Variants in TTN observed in about 807,000 individuals in gnomAD.
The protein encoded by TTN is titin.
A neutral mutation model predicts 3,223.0 loss-of-function variants in TTN; 1,525 were observed. That is an observed-to-expected ratio of 0.47 (90% CI 0.45 to 0.49). The LOEUF is 0.49. Among genes scored for constraint, TTN ranks in the 20% least tolerant of loss-of-function variants. The pLI is 0.00. For missense variants in TTN, 40,786 were observed against 43,424.0 expected (o/e 0.94, Z 5.40); for synonymous variants, 14,094 against 15,161.0 (o/e 0.93, Z 5.17).
At position 178,570,008 on chromosome 2, in the gene TTN, T is replaced by A. The variant is rs374494927; in HGVS notation, c.76124A>T (p.Tyr25375Phe). 13 of 1,612,986 alleles carry A rather than the reference T, an allele frequency of 8.1e-6. No homozygotes were observed. In the Admixed American group the frequency reaches 1.2e-4, roughly 14 times the overall value. The change falls in exon 326 of 363, where the codon TAT becomes TTT. Residue 25375 changes from tyrosine to phenylalanine, a missense_variant. Physicochemically the swap from Tyr to Phe is conservative, Grantham distance 22 (BLOSUM62 3). Coordinates refer to ENST00000589042, the MANE Select transcript of TTN (RefSeq NM_001267550.2). The part of the protein sequence containing the change: ...RVTGLIENHD[Y>F]EFRVSAENAA... ...ATTCTCAGCAGAAACTCTGAACTCA[T>A]AATCGTGATTTTCTATGAGTCCAGT...
intron 218 of TTN, among the ~76,000 whole-genome samples, chr2:178,642,997 G>A (rs142642954): frequency 7.1e-4 from 108 of 152,078 alleles, no homozygotes; most frequent in Non-Finnish European, 9.4e-4. Flanking sequence ...ATTTCCTGTT[G>A]CGTCTACAGT....
rs1381030080 is a variant in TTN at position 178,722,788 on chromosome 2, T to C, written c.22111A>G (p.Thr7371Ala). The C allele has an allele frequency of 1.4e-5, 23 of 1,613,272 alleles. No homozygotes were observed. Among genetic ancestry groups the C allele is most frequent in the Non-Finnish European group, 1.7e-5 (20 of 1,179,580 alleles). ...TKLRPTPEYRTYFTNNVATLV... is the reference protein window; with the variant it reads ...TKLRPTPEYRAYFTNNVATLV... ...GTGGCCACATTGTTTGTAAAGTAGG[T>C]CCTGTATTCAGGAGTTGGCCGTAAT... Residue 7371 changes from threonine to alanine, a missense_variant, in exon 76 of 363, where the codon ACC (threonine) becomes GCC (alanine). Thr to Ala is a moderately conservative substitution (Grantham distance 58). Coordinates refer to ENST00000589042, the MANE Select transcript of TTN (RefSeq NM_001267550.2).
chr2:178,596,545 T>C (rs1234502282), intron 294 of TTN, among the ~76,000 whole-genome samples: 1 of 152,046 alleles, frequency 6.6e-6, no homozygotes, highest in Non-Finnish European at 1.5e-5. Flanking sequence ...ACAAGCAGCA[T>C]AGGAGGCCCC....
chr2:178,727,204 AG>A lies in TTN; in HGVS notation c.20160del (p.Ser6721GlnfsTer7). 6.2e-7 allele frequency: 1 copy of A among 1,613,248 alleles called. No homozygotes were observed. Among genetic ancestry groups the A allele is most frequent in the Non-Finnish European group, 8.5e-7 (1 of 1,179,450 alleles). ...TTGTTCATCTGTATGACGGCCACTGAGTCAATGAAAGTCATTCTGTACTTAT... is the reference window on the plus strand; with the variant it reads ...TTGTTCATCTGTATGACGGCCACTGATCAATGAAAGTCATTCTGTACTTAT... ...ASDKYRMTFIDSVAVIQMNNL... is the reference protein window; with the variant it reads ...ASDKYRMTFIXSVAVIQMNNL... On this transcript the variant is annotated frameshift_variant, in exon 69 of 363. Coordinates refer to ENST00000589042, the MANE Select transcript of TTN (RefSeq NM_001267550.2). LOFTEE classifies it high-confidence loss of function.
At position 178,588,078 on chromosome 2, in the gene TTN, G is replaced by C. The variant is rs370687831; in HGVS notation, c.63329C>G (p.Ala21110Gly). The change falls in exon 305 of 363, where the codon GCG becomes GGG. Residue 21110 changes from alanine (A) to glycine (G), a missense_variant. Transcript: ENST00000589042. ...CCGTTTCCAGCCTTCATCAGGAGAC[G>C]CATCTGCTATTTTTGGTCTCATTTC... ...VVEMRPKIAD[A>G]SPDEGWKRCN... The C allele has an allele frequency of 8.1e-6, 13 of 1,612,736 alleles. No individual in the cohort carries two copies. Among genetic ancestry groups the C allele is most frequent in the Admixed American group, 1.7e-5 (1 of 59,934 alleles).
Position 178,595,784 on chromosome 2 carries a change from T to G in TTN, c.57570A>C (p.Pro19190=). 1 of 1,606,462 alleles carries G rather than the reference T, an allele frequency of 6.2e-7. No individual in the cohort carries two copies. The highest frequency in any genetic ancestry group is 8.5e-7 in the Non-Finnish European group (1 of 1,176,458). The part of the protein sequence containing the change: ...VLDVPGPVGT[P]FLAHNLTNES... Reference sequence around the variant, plus strand: ...CATTGGTTAGGTTGTGAGCTAGGAATGGTGTTCCAACGGGACCTGGAACAT... The same window carrying G: ...CATTGGTTAGGTTGTGAGCTAGGAAGGGTGTTCCAACGGGACCTGGAACAT... The change falls in exon 295 of 363, where the codon CCA becomes CCC. Residue 19190 remains proline, a synonymous_variant. Coordinates refer to ENST00000589042, the MANE Select transcript of TTN (RefSeq NM_001267550.2).
In TTN at chr2:178,740,909, A is replaced by G. The variant is rs537284713; in HGVS notation, c.12324T>C (p.Pro4108=). 24 of 1,613,928 alleles carry G rather than the reference A, an allele frequency of 1.5e-5. No homozygotes were observed. The East Asian group carries it at 3.8e-4, about 25-fold the overall frequency. The change falls in exon 48 of 363, where the codon CCT becomes CCC. Residue 4108 remains proline (P), a synonymous_variant. Coordinates refer to ENST00000589042, the MANE Select transcript of TTN (RefSeq NM_001267550.2). ...TGGATTGCAATTCCTGAGCTCCCAA[A>G]GGAAGCTGACTGCTCAATTCATTGG... is the stretch of plus-strand genomic sequence containing the variant. ...AKANELSSQL[P]LGAQELQSIL...
At position 178,621,101 on chromosome 2, in the gene TTN, C is replaced by T. The variant is rs1395648308; in HGVS notation, c.45616+1G>A. On this transcript the variant is annotated splice_donor_variant, in intron 246 of 362. Coordinates refer to ENST00000589042, the MANE Select transcript of TTN (RefSeq NM_001267550.2). LOFTEE classifies it high-confidence loss of function. ...AACCCTAAAAGCAAGAACAAACTTA[C>T]CAATGACTGTCAAGTGAGCTGCTGC... 3.1e-6 allele frequency: 5 copies of T among 1,611,590 alleles called. No homozygotes were observed. The highest frequency in any genetic ancestry group is 4.2e-6 in the Non-Finnish European group (5 of 1,179,004).
In TTN at chr2:178,587,636, C is replaced by T. The variant is rs777568221; in HGVS notation, c.63673G>A (p.Val21225Ile). 1.2e-6 allele frequency: 2 copies of T among 1,612,734 alleles called. No homozygotes were observed. Among genetic ancestry groups the T allele is most frequent in the Admixed American group, 1.7e-5 (1 of 59,932 alleles). ...ATGACAAGGAAGGCCATAGTGTCAA[C>T]CAGATCAACTTGTCCTTTTCTGACC... ...NVVRKGQVDL[V>I]DTMAFLVIPN... The change falls in exon 306 of 363, where the codon GTT becomes ATT. Residue 21225 changes from valine to isoleucine, a missense_variant. Physicochemically the swap from Val to Ile is conservative, Grantham distance 29. Transcript: ENST00000589042.
At position 178,615,650 on chromosome 2, in the gene TTN, T is replaced by C. The variant is rs186497293; in HGVS notation, c.48451A>G (p.Thr16151Ala). ...TCAAGAATGTACTCACTTGCAGGAG[T>C]TGACATATTTACAGGTTCATCAACA... ...AYVDEPVNMSTPATVPDPPEN... is the reference protein window; with the variant it reads ...AYVDEPVNMSAPATVPDPPEN... Residue 16151 changes from threonine to alanine, a missense_variant, in exon 258 of 363, where the codon ACT (threonine) becomes GCT (alanine). By Grantham distance (58) the Thr-to-Ala change is moderately conservative (BLOSUM62 0). Coordinates refer to ENST00000589042, the MANE Select transcript of TTN (RefSeq NM_001267550.2). 214 of 1,612,246 alleles carry C rather than the reference T, an allele frequency of 1.3e-4. No homozygotes were observed. The African/African-American group carries it at 2.3e-3, about 18-fold the overall frequency.
In TTN at chr2:178,714,086, C is replaced by G. The variant is rs751498825; in HGVS notation, c.26572G>C (p.Glu8858Gln). 1 of 1,613,674 alleles carries G rather than the reference C, an allele frequency of 6.2e-7. No individual in the cohort carries two copies. Among genetic ancestry groups the G allele is most frequent in the Admixed American group, 1.7e-5 (1 of 59,974 alleles). ...TLECTVAGTP[E>Q]LSTKWFKDGK... is the part of the protein sequence containing the mutation. ...TCCTTAAACCACTTAGTACTGAGTTCAGGGGTGCCAGCTACTGTACACTCC... is the reference window on the plus strand; with the variant it reads ...TCCTTAAACCACTTAGTACTGAGTTGAGGGGTGCCAGCTACTGTACACTCC... The change falls in exon 92 of 363, where the codon GAA becomes CAA. Residue 8858 changes from glutamate to glutamine, a missense_variant. Physicochemically the swap from Glu to Gln is conservative, Grantham distance 29. Coordinates refer to ENST00000589042, the MANE Select transcript of TTN (RefSeq NM_001267550.2).
intron 213 of TTN, among the ~76,000 whole-genome samples, chr2:178,648,408 TTC>T (rs975629162): frequency 2.0e-5 from 3 of 151,996 alleles, no homozygotes; most frequent in African/African-American, 7.2e-5. Flanking sequence ...TGTCCTCAAT[TTC>T]TTTTTTTTAA....
At position 178,772,524 on chromosome 2, in the gene TTN, C is replaced by T. The variant is rs188870102; in HGVS notation, c.7855+585G>A. 1.9e-3 allele frequency among the ~76,000 whole-genome samples: 282 copies of T among 152,160 alleles called. 7 individuals are homozygous for T. The South Asian group carries it at 0.024, about 13-fold the overall frequency. Reference sequence around the variant, plus strand: ...CTACTGAATGATGGTCTTATTTCTACATGATATCATAAGAAATACAGTTAC... The same window carrying T: ...CTACTGAATGATGGTCTTATTTCTATATGATATCATAAGAAATACAGTTAC... On this transcript the variant is annotated intron_variant, in intron 33 of 362. Coordinates refer to ENST00000589042, the MANE Select transcript of TTN (RefSeq NM_001267550.2).
Position 178,554,641 on chromosome 2 carries a change from T to A in TTN, c.88706A>T (p.Tyr29569Phe). 6.2e-7 allele frequency: 1 copy of A among 1,613,894 alleles called. No homozygotes were observed. Among genetic ancestry groups the A allele is most frequent in the Non-Finnish European group, 8.5e-7 (1 of 1,179,838 alleles). The change falls in exon 332 of 363, where the codon TAC becomes TTC. Residue 29569 changes from tyrosine (Y) to phenylalanine (F), a missense_variant. Tyr to Phe is a conservative substitution (Grantham distance 22). Transcript: ENST00000589042. The stretch of plus-strand genomic sequence containing the variant: ...GCTTGTCTCACGCTTTTCCACAATG[T>A]AGTGAGTGATTTTTGCACCACCATC... ...ADDGGAKITH[Y>F]IVEKRETSRV...
chr2:178,719,410 C>A lies in TTN; in HGVS notation c.23980G>T (p.Val7994Leu), dbSNP rs779653609. 1 of 1,613,220 alleles carries A rather than the reference C, an allele frequency of 6.2e-7. No individual in the cohort carries two copies. The highest frequency in any genetic ancestry group is 1.1e-5 in the South Asian group (1 of 91,056). ...ACTGAGGCCCCCAGGATGGCATTCA[C>A]GTCTTTCAGCTTGCGGATGAAGGAA... ...PPSFIRKLKD[V>L]NAILGASVVL... The change falls in exon 83 of 363, where the codon GTG (valine) becomes TTG (leucine). Residue 7994 changes from valine to leucine, a missense_variant. By Grantham distance (32) the Val-to-Leu change is conservative. Transcript: ENST00000589042.
rs370342831 is a variant in TTN at position 178,632,762 on chromosome 2, C to T, written c.43244G>A (p.Ser14415Asn). The change falls in exon 235 of 363, where the codon AGT (serine) becomes AAT (asparagine). Residue 14415 changes from serine (S) to asparagine (N), a missense_variant. Physicochemically the swap from Ser to Asn is conservative, Grantham distance 46 (BLOSUM62 1). Coordinates refer to ENST00000589042, the MANE Select transcript of TTN (RefSeq NM_001267550.2). Reference sequence around the variant, plus strand: ...ATCTTTCTCGAAGACTTTAACATCACTGAGAGGTGTGATGAAGATAAGAGG... The same window carrying T: ...ATCTTTCTCGAAGACTTTAACATCATTGAGAGGTGTGATGAAGATAAGAGG... ...ELPLIFITPLSDVKVFEKDEA... is the reference protein window; with the variant it reads ...ELPLIFITPLNDVKVFEKDEA... 2.9e-5 allele frequency: 46 copies of T among 1,612,922 alleles called. No homozygotes were observed. Among genetic ancestry groups the T allele is most frequent in the African/African-American group, 1.6e-4 (12 of 74,868 alleles).
intron 75 of TTN, 52 bp from the exon 76 acceptor site, chr2:178,722,989 A>G: frequency 6.3e-7 from 1 of 1,597,206 alleles, no homozygotes; most frequent in Non-Finnish European, 8.5e-7. Context: ...ATATCAAAGA[A>G]ACTATGCTAC....
rs373995323 is a variant in TTN at position 178,720,367 on chromosome 2, G to A, written c.23377+18C>T. 26 of 1,597,794 alleles carry A rather than the reference G, an allele frequency of 1.6e-5. No individual in the cohort carries two copies. Among genetic ancestry groups the A allele is most frequent in the Non-Finnish European group, 2.0e-5 (23 of 1,171,184 alleles). ...ATAGGAGGAAGGGGCATATATTTTTGTGTCCATGTATACAAACCTTTGAAC... is the reference window on the plus strand; with the variant it reads ...ATAGGAGGAAGGGGCATATATTTTTATGTCCATGTATACAAACCTTTGAAC... On this transcript the variant is annotated intron_variant, in intron 80 of 362. Coordinates refer to ENST00000589042, the MANE Select transcript of TTN (RefSeq NM_001267550.2).
At chr2:178,610,807 A>C (rs1256255410) in intron 270 of TTN, among the ~76,000 whole-genome samples, 186 bp downstream of exon 270, 2 of 152,034 alleles carry the variant, frequency 1.3e-5, no homozygotes, top group Non-Finnish European at 2.9e-5. Context: ...TTAGTCTAAT[A>C]AGCGTTTAGC....
Sources: gnomAD v4.1 joint callset for allele counts (sites outside exome capture counted in the v4.1 genomes callset) on GRCh38, gnomAD v4.1.1 for gene constraint, MANE v1.5 for transcripts, NCBI Gene and HGNC (gene_info 2026-07-23, HGNC 2026-07-21) for gene names.